CAMTA1: variants seen among roughly 807,000 people sequenced by gnomAD.
The protein encoded by CAMTA1 is calmodulin-binding transcription activator 1.
Under a neutral mutation model 170.9 loss-of-function variants are expected in CAMTA1, and 27 were observed. The ratio of observed to expected loss-of-function variants is 0.16; its 90% CI spans 0.12 to 0.22. The LOEUF is 0.22. CAMTA1 is among the 10% of genes least tolerant of loss of function. The pLI is 1.00. For missense variants in CAMTA1, 1,619 were observed against 2,217.2 expected (o/e 0.73, Z 5.42); for synonymous variants, 833 against 891.5 (o/e 0.93, Z 1.17).
chr1:7,058,676 G>T (rs1259328600), intron 3 of CAMTA1, among the ~76,000 whole-genome samples: 1 of 152,182 alleles, frequency 6.6e-6, no homozygotes, highest in Non-Finnish European at 1.5e-5. Flanking sequence ...CAGAGGTGAC[G>T]TCTGGATGGG....
chr1:7,278,489 T>G (rs1671051840), intron 5 of CAMTA1, among the ~76,000 whole-genome samples: 1 of 152,238 alleles, frequency 6.6e-6, no homozygotes, highest in Non-Finnish European at 1.5e-5. Flanking sequence ...CAATAAGTGC[T>G]TTTCAGGCAT....
chr1:7,031,341 T>C (rs547047731), intron 3 of CAMTA1, among the ~76,000 whole-genome samples: 1 of 152,338 alleles, frequency 6.6e-6, no homozygotes, highest in East Asian at 1.9e-4. Flanking sequence ...TGACTCTTTT[T>C]ATCTGTAGTA....
chr1:7,009,214 G>C (rs751450017), intron 3 of CAMTA1, among the ~76,000 whole-genome samples: 1 of 152,262 alleles, frequency 6.6e-6, no homozygotes, highest in Non-Finnish European at 1.5e-5. Context: ...TCCTGGGGCT[G>C]TCAGCTCCAA....
intron 3 of CAMTA1, among the ~76,000 whole-genome samples, chr1:6,972,611 G>A (rs950618515): frequency 6.6e-6 from 1 of 152,142 alleles, no homozygotes; most frequent in African/African-American, 2.4e-5. Context: ...GGCAAAGAGG[G>A]AAGTCCTATC....
intron 6 of CAMTA1, among the ~76,000 whole-genome samples, chr1:7,488,609 G>GT (rs1194848644): frequency 6.6e-6 from 1 of 151,960 alleles, no homozygotes. Context: ...CATGATACAT[G>GT]TAACACATAC....
intron 7 of CAMTA1, among the ~76,000 whole-genome samples, chr1:7,653,244 A>G (rs1424566312): frequency 6.6e-6 from 1 of 152,120 alleles, no homozygotes; most frequent in African/African-American, 2.4e-5. Flanking sequence ...AGTGGAGTAC[A>G]TAGTATTGTT....
At position 7,664,530 on chromosome 1, in the gene CAMTA1, C is replaced by G; in HGVS notation, c.1983C>G (p.His661Gln). The change falls in exon 9 of 23, where the codon CAC (histidine) becomes CAG (glutamine). Residue 661 changes from histidine (H) to glutamine (Q), a missense_variant. His to Gln is a conservative substitution (Grantham distance 24, BLOSUM62 0). Transcript: ENST00000303635. ...ASSQTSSCSG[H>Q]VETRIESTSS... is the part of the protein sequence containing the mutation. ...CCCAAACCAGCTCCTGCAGCGGTCA[C>G]GTGGAGACGCGGATCGAGTCCACTT... 6.2e-7 allele frequency: 1 copy of G among 1,613,280 alleles called. No individual in the cohort carries two copies. The highest frequency in any genetic ancestry group is 8.5e-7 in the Non-Finnish European group (1 of 1,180,036).
intron 3 of CAMTA1, among the ~76,000 whole-genome samples, chr1:6,997,660 CT>C (rs111887834): frequency 1.1e-3 from 139 of 127,626 alleles, no homozygotes; most frequent in Admixed American, 1.5e-3. Context: ...TCTTTTCTTT[CT>C]TTTTTTTTTT....
rs532902300 is a variant in CAMTA1, at chr1:6,934,684, C to T, written c.234+109474C>T. Among the ~76,000 whole-genome samples the T allele has an allele frequency of 9.2e-5, 14 of 152,212 alleles. No individual in the cohort carries two copies. Among genetic ancestry groups the T allele is most frequent in the South Asian group, 4.2e-4 (2 of 4,814 alleles). ...GCCTCCCCTCCCTTCACCACCACCC[C>T]CTCCCCTCTCTCCCCTCTTATGCCC... On this transcript the variant is annotated intron_variant, in intron 3 of 22. Coordinates refer to ENST00000303635, the MANE Select transcript of CAMTA1 (RefSeq NM_015215.4). The surrounding 1 kb of genome is among the most constrained non-coding windows in gnomAD (Gnocchi z 4.5).
intron 4 of CAMTA1, among the ~76,000 whole-genome samples, chr1:7,199,346 T>G (rs901794201): frequency 1.3e-5 from 2 of 152,222 alleles, no homozygotes; most frequent in Non-Finnish European, 2.9e-5. Context: ...AGACCACTTC[T>G]TTTGTTACTC....
chr1:7,048,823 A>G (rs1282190924), intron 3 of CAMTA1, among the ~76,000 whole-genome samples: 1 of 152,156 alleles, frequency 6.6e-6, no homozygotes, highest in African/African-American at 2.4e-5. Context: ...AGAAGGAATG[A>G]CCACTTGAAG....
At chr1:7,096,583 G>A (rs916580254) in intron 4 of CAMTA1, among the ~76,000 whole-genome samples, 22 of 152,158 alleles carry the variant, frequency 1.4e-4, no homozygotes, top group Non-Finnish European at 2.1e-4. Context: ...AGATGCCAGA[G>A]CATACAACTT....
intron 6 of CAMTA1, among the ~76,000 whole-genome samples, chr1:7,574,598 C>T (rs2095167886): frequency 1.3e-5 from 2 of 152,210 alleles, no homozygotes; most frequent in Non-Finnish European, 2.9e-5. Context: ...TCAGCAGGGT[C>T]ATTTTCCAGA....
chr1:7,301,936 C>T (rs72641287), intron 5 of CAMTA1, among the ~76,000 whole-genome samples: 48,045 of 151,940 alleles, frequency 0.32, 8,638 homozygotes, highest in Admixed American at 0.42. Flanking sequence ...ATCCAGCACA[C>T]GGAATTGATG....
rs1418264098 is a variant in CAMTA1, at chr1:7,665,621, C to T, written c.2652+422C>T. ...TCCCAGCTATTCTGGAGGCTGAGTC[C>T]GGAGGAGCACTTGAGCCCAAGAGGT... On this transcript the variant is annotated intron_variant, in intron 9 of 22. Transcript: ENST00000303635. The surrounding 1 kb of genome is among the most constrained non-coding windows in gnomAD (Gnocchi z 4.3). 2.0e-5 allele frequency among the ~76,000 whole-genome samples: 3 copies of T among 151,994 alleles called. No individual in the cohort carries two copies. Among genetic ancestry groups the T allele is most frequent in the Non-Finnish European group, 2.9e-5 (2 of 68,006 alleles).
intron 4 of CAMTA1, among the ~76,000 whole-genome samples, chr1:7,100,752 G>A (rs114893644): frequency 0.021 from 3,227 of 152,326 alleles, 42 homozygotes; most frequent in Middle Eastern, 0.024. Context: ...TGGCACAGGG[G>A]CGTGGTGTGG....
chr1:6,806,169 A>G (rs1479808014), intron 1 of CAMTA1, among the ~76,000 whole-genome samples: 1 of 152,196 alleles, frequency 6.6e-6, no homozygotes, highest in Non-Finnish European at 1.5e-5. Context: ...TCAACTGACT[A>G]TAAATCTGTG....
chr1:7,389,050 G>T lies in CAMTA1; in HGVS notation c.439-78780G>T, dbSNP rs552339081. On this transcript the variant is annotated intron_variant, in intron 5 of 22. Coordinates refer to ENST00000303635, the MANE Select transcript of CAMTA1 (RefSeq NM_015215.4). The stretch of plus-strand genomic sequence containing the variant: ...GTAGGCACTGCACGGCGAGAGGGAG[G>T]GGGAGGAGGAAGGGAGTCTGGCTCT... Among the ~76,000 whole-genome samples, 4 of 152,338 alleles carry T rather than the reference G, an allele frequency of 2.6e-5. No individual in the cohort carries two copies. The East Asian group carries it at 7.7e-4, about 29-fold the overall frequency.
chr1:7,103,839 C>T (rs1390130072), intron 4 of CAMTA1, among the ~76,000 whole-genome samples: 1 of 63,780 alleles, frequency 1.6e-5, no homozygotes, highest in Non-Finnish European at 3.2e-5. Flanking sequence ...CACAACTACA[C>T]ACATGTACAC....
Sources: gnomAD v4.1 joint callset for allele counts (sites outside exome capture counted in the v4.1 genomes callset) on GRCh38, gnomAD v4.1.1 for gene constraint, Gnocchi (gnomAD v3.1) non-coding constraint, MANE v1.5 for transcripts, NCBI Gene and HGNC (gene_info 2026-07-23, HGNC 2026-07-21) for gene names.